SEM1: variants seen among roughly 807,000 people sequenced by gnomAD.
SEM1 encodes 26S proteasome complex subunit SEM1.
Under a neutral mutation model 12.7 loss-of-function variants are expected in SEM1, and 3 were observed. The ratio of observed to expected loss-of-function variants is 0.24; its 90% CI spans 0.11 to 0.61. SEM1 has a LOEUF of 0.61. Among genes scored for constraint, SEM1 ranks in the 20% least tolerant of loss-of-function variants. The probability of loss-of-function intolerance (pLI) is 0.88; values close to 1 mark genes in which losing one functional copy is unlikely to be tolerated. For missense variants in SEM1, 59 were observed against 81.3 expected, an observed-to-expected ratio of 0.73 and a Z score of 1.06; for synonymous variants, 30 against 27.8, an observed-to-expected ratio of 1.08 and a Z score of -0.25.
At chr7:96,655,516 C>A (rs1809151184) in intron 2 of SEM1, among the ~76,000 whole-genome samples, 1 of 150,054 alleles carries the variant, frequency 6.7e-6, no homozygotes, top group Admixed American at 6.6e-5. Context: ...CTCTTGACCT[C>A]GTGTTCCGCC....
exon 3 of SEM1, chr7:96,673,540 C>T (rs1291651102): frequency 1.8e-6 from 1 of 545,394 alleles, no homozygotes; most frequent in African/African-American, 1.9e-5. Context: ...TACTACCCAA[C>T]AATACTGCAG....
intron 2 of SEM1, among the ~76,000 whole-genome samples, chr7:96,613,200 T>C (rs1469363065): frequency 6.6e-6 from 1 of 152,188 alleles, no homozygotes; most frequent in East Asian, 1.9e-4. Flanking sequence ...CTGATAGCTA[T>C]GCAAAATAAT....
At chr7:96,539,728 G>T (rs1804891547) in intron 2 of SEM1, among the ~76,000 whole-genome samples, 2 of 151,754 alleles carry the variant, frequency 1.3e-5, no homozygotes, top group Admixed American at 6.6e-5. Flanking sequence ...TGGATTCATT[G>T]CTGCAACCTC....
chr7:96,698,690 A>G (rs879979452), intron 1 of SEM1, among the ~76,000 whole-genome samples: 1 of 152,080 alleles, frequency 6.6e-6, no homozygotes, highest in Non-Finnish European at 1.5e-5. Context: ...ATCGGTTCCA[A>G]GTCTTTGCTA....
intron 2 of SEM1, among the ~76,000 whole-genome samples, chr7:96,682,916 A>T (rs1789656197): frequency 6.6e-6 from 1 of 152,182 alleles, no homozygotes. Context: ...AATACTTCTC[A>T]AAAGAAGACA....
intron 2 of SEM1, among the ~76,000 whole-genome samples, chr7:96,539,435 T>C (rs890721179): frequency 8.6e-5 from 13 of 151,880 alleles, no homozygotes; most frequent in African/African-American, 3.1e-4. Flanking sequence ...TTAATGAAAT[T>C]ATAAATTTAT....
chr7:96,688,100 TA>T (rs1351759791), downstream of SEM1: 1 of 152,180 alleles, frequency 6.6e-6, no homozygotes, highest in Non-Finnish European at 1.5e-5. Flanking sequence ...AAAATATTCC[TA>T]AAAAATACCC....
At chr7:96,483,949 T>C in exon 4 of SEM1, 1 of 1,535,284 alleles carries the variant, frequency 6.5e-7, no homozygotes, top group South Asian at 1.2e-5. Context: ...GCACCAAGGA[T>C]GGTGGGGGGC....
intron 2 of SEM1, among the ~76,000 whole-genome samples, chr7:96,544,250 A>G (rs563082723): frequency 1.3e-5 from 2 of 152,148 alleles, no homozygotes; most frequent in African/African-American, 4.8e-5. Flanking sequence ...CTCAGTTCCA[A>G]ATAAACTTAA....
At chr7:96,614,799 T>G (rs766410943) in intron 2 of SEM1, among the ~76,000 whole-genome samples, 8 of 152,244 alleles carry the variant, frequency 5.3e-5, no homozygotes, top group Non-Finnish European at 1.0e-4. Flanking sequence ...ACAGAAGTGT[T>G]CATATTGCCT....
chr7:96,483,504 C>A (rs1802626499), exon 4 of SEM1: 1 of 257,316 alleles, frequency 3.9e-6, no homozygotes, highest in Non-Finnish European at 7.6e-6. Context: ...CTTAACCCAA[C>A]AAAAGCATTT....
At chr7:96,708,985 A>T (rs1018841956) in intron 1 of SEM1, among the ~76,000 whole-genome samples, 5 of 152,028 alleles carry the variant, frequency 3.3e-5, no homozygotes, top group Admixed American at 2.6e-4. Flanking sequence ...TTAAAAAAAT[A>T]TTTTATTTTT....
At chr7:96,508,468 G>A (rs1247687174) in intron 2 of SEM1, among the ~76,000 whole-genome samples, 2 of 152,088 alleles carry the variant, frequency 1.3e-5, no homozygotes, top group African/African-American at 2.4e-5. Flanking sequence ...CTCCACTCAT[G>A]TATACATGGC....
chr7:96,679,621 A>T (rs1386569051), intron 2 of SEM1, among the ~76,000 whole-genome samples: 1 of 152,116 alleles, frequency 6.6e-6, no homozygotes, highest in African/African-American at 2.4e-5. Context: ...TTTCTTAGTC[A>T]TTAGTGATCT....
chr7:96,498,352 T>G (rs1051858361), upstream of SEM1, among the ~76,000 whole-genome samples: 1 of 139,644 alleles, frequency 7.2e-6, no homozygotes, highest in African/African-American at 2.7e-5. Context: ...GTTTTGTGTA[T>G]GTGTGTGTGC....
At chr7:96,646,999 A>G (rs1212694530) in intron 2 of SEM1, among the ~76,000 whole-genome samples, 1 of 152,220 alleles carries the variant, frequency 6.6e-6, no homozygotes, top group Non-Finnish European at 1.5e-5. Context: ...AGCATTGAGA[A>G]AAGCTGGAGA....
chr7:96,543,706 C>T (rs552934009), intron 2 of SEM1, among the ~76,000 whole-genome samples: 5 of 152,014 alleles, frequency 3.3e-5, no homozygotes, highest in African/African-American at 1.2e-4. Flanking sequence ...GGTTTCTGTT[C>T]GGTTTTTTAG....
chr7:96,699,930 C>T (rs565004416), intron 1 of SEM1, among the ~76,000 whole-genome samples: 268 of 152,266 alleles, frequency 1.8e-3, no homozygotes, highest in South Asian at 4.6e-3. Context: ...TCTCCCTTAA[C>T]TACTACTTAC....
intron 2 of SEM1, among the ~76,000 whole-genome samples, chr7:96,544,663 A>AAT (rs1805053360): frequency 6.6e-6 from 1 of 152,006 alleles, no homozygotes; most frequent in Non-Finnish European, 1.5e-5. Flanking sequence ...CTTAACTACT[A>AAT]ATAGCCTATT....
Sources: gnomAD v4.1 joint callset for allele counts (sites outside exome capture counted in the v4.1 genomes callset) on GRCh38, gnomAD v4.1.1 for gene constraint, MANE v1.5 for transcripts, NCBI Gene and HGNC (gene_info 2026-07-23, HGNC 2026-07-21) for gene names.